ZNF330: variants seen among roughly 807,000 people sequenced by gnomAD.
ZNF330 encodes the protein nucleolar atypical zinc finger, also known as zinc finger protein 330.
In ZNF330, 31 loss-of-function variants were observed where a neutral mutation model predicts 45.5. The ratio of observed to expected loss-of-function variants is 0.68; its 90% CI spans 0.51 to 0.92. ZNF330 has a LOEUF of 0.92. Ranked by LOEUF, ZNF330 falls within the 40% of genes least tolerant of loss-of-function variation. ZNF330 has a pLI of 0.00. For missense variants in ZNF330, 356 were observed against 387.4 expected (o/e 0.92, Z 0.68); for synonymous variants, 138 against 123.2 (o/e 1.12, Z -0.79).
At position 141,231,478 on chromosome 4, in the gene ZNF330, G is replaced by T; in HGVS notation, c.563G>T (p.Arg188Leu). The stretch of plus-strand genomic sequence containing the variant: ...CGGCTTGGTCAGCACTCATGTCTCC[G>T]TTGTAAGGTATACCAATGCGTTTTT... ...CNRLGQHSCLRCKACFCDDHT... is the reference protein window; with the variant it reads ...CNRLGQHSCLLCKACFCDDHT... The change falls in exon 8 of 10, where the codon CGT becomes CTT. Residue 188 changes from arginine to leucine, a missense_variant. Physicochemically the swap from Arg to Leu is moderately radical, Grantham distance 102. Coordinates refer to ENST00000262990, the MANE Select transcript of ZNF330 (RefSeq NM_014487.6). The T allele has an allele frequency of 6.2e-7, 1 of 1,600,518 alleles. No individual in the cohort carries two copies. The highest frequency in any genetic ancestry group is 8.5e-7 in the Non-Finnish European group (1 of 1,174,172).
At chr4:141,232,665 G>A (rs1185595269) in intron 9 of ZNF330, 23 bp downstream of exon 9, 1 of 1,346,198 alleles carries the variant, frequency 7.4e-7, no homozygotes. Context: ...AGATACTAAG[G>A]AAGTGATTTT....
At chr4:141,226,906 G>T in intron 5 of ZNF330, 60 bp downstream of exon 5, 1 of 1,339,278 alleles carries the variant, frequency 7.5e-7, no homozygotes, top group Non-Finnish European at 1.0e-6. Flanking sequence ...ATGTCATTCT[G>T]ATCAGTGGTT....
chr4:141,230,061 G>A, intron 6 of ZNF330, 105 bp from the exon 7 acceptor site: 8 of 806,774 alleles, frequency 9.9e-6, no homozygotes, highest in East Asian at 2.6e-5. Context: ...CAATTTTGGT[G>A]TATCTCCAAA....
chr4:141,232,511 CT>C lies in ZNF330; in HGVS notation c.571-12del. 7.1e-7 allele frequency: 1 copy of C among 1,416,108 alleles called. No individual in the cohort carries two copies. Among genetic ancestry groups the C allele is most frequent in the Non-Finnish European group, 9.5e-7 (1 of 1,054,346 alleles). The allele number at this position is 1,416,108 out of a possible 1,614,324, so 87.7% of individuals were successfully genotyped here. ...ATTTTTATTTATTTACTTTATTTTGCTTCTCCTATACAGGCTTGTTTCTGTG... is the reference window on the plus strand; with the variant it reads ...ATTTTTATTTATTTACTTTATTTTGCTCTCCTATACAGGCTTGTTTCTGTG... On this transcript the variant is annotated splice_polypyrimidine_tract_variant and intron_variant, in intron 8 of 9. Transcript: ENST00000262990.
chr4:141,232,557 A>G lies in ZNF330; in HGVS notation c.603A>G (p.Lys201=). 1 of 1,597,296 alleles carries G rather than the reference A, an allele frequency of 6.3e-7. No individual in the cohort carries two copies. Among genetic ancestry groups the G allele is most frequent in the Admixed American group, 1.7e-5 (1 of 57,892 alleles). ...TCTGTGATGATCATACAAGGAGCAAAGTGTTTAAGCAAGAAAAAGGAAAAC... is the reference window on the plus strand; with the variant it reads ...TCTGTGATGATCATACAAGGAGCAAGGTGTTTAAGCAAGAAAAAGGAAAAC... ...ACFCDDHTRS[K]VFKQEKGKQP... The change falls in exon 9 of 10, where the codon AAA becomes AAG. Residue 201 remains lysine, a synonymous_variant. Coordinates refer to ENST00000262990, the MANE Select transcript of ZNF330 (RefSeq NM_014487.6).
rs1192129803 is a variant in ZNF330, at chr4:141,233,913, C to T, written c.887C>T (p.Ser296Leu). 6.2e-7 allele frequency: 1 copy of T among 1,613,698 alleles called. No individual in the cohort carries two copies. The highest frequency in any genetic ancestry group is 1.1e-5 in the South Asian group (1 of 91,064). ...AGAAAGGATTCAGATACTGAGTCAT[C>T]AGATTTGTTTACTAATTTGAATTTA... ...EGRKDSDTES[S>L]DLFTNLNLGR... The change falls in exon 10 of 10, where the codon TCA becomes TTA. Residue 296 changes from serine to leucine, a missense_variant. By Grantham distance (145) the Ser-to-Leu change is moderately radical. Transcript: ENST00000262990.
intron 2 of ZNF330, chr4:141,224,143 C>T (rs942756282): frequency 6.0e-6 from 2 of 334,852 alleles, no homozygotes; most frequent in South Asian, 3.9e-5. Context: ...ATGTGCTTAA[C>T]GTTTCATAAG....
At chr4:141,231,658 T>C (rs1271859051) in intron 8 of ZNF330, among the ~76,000 whole-genome samples, 173 bp downstream of exon 8, 1 of 152,120 alleles carries the variant, frequency 6.6e-6, no homozygotes, top group African/African-American at 2.4e-5. Flanking sequence ...TTACATGACT[T>C]TCCAATGGTC....
At chr4:141,231,867 G>A (rs575352822) in intron 8 of ZNF330, among the ~76,000 whole-genome samples, 3 of 152,032 alleles carry the variant, frequency 2.0e-5, no homozygotes, top group Non-Finnish European at 2.9e-5. Context: ...GCATTCGTTC[G>A]TCAAAGATTA....
In ZNF330 at chr4:141,233,706, C is replaced by T. The variant is rs1344295632; in HGVS notation, c.689-9C>T. On this transcript the variant is annotated splice_polypyrimidine_tract_variant and intron_variant, in intron 9 of 9. Coordinates refer to ENST00000262990, the MANE Select transcript of ZNF330 (RefSeq NM_014487.6). ...AACAAAATGCCTTGTACTTGTCTGT[C>T]TTCTATAGCACGCTCCCTGAAATTT... The T allele has an allele frequency of 6.2e-7, 1 of 1,610,696 alleles. No homozygotes were observed. The highest frequency in any genetic ancestry group is 8.5e-7 in the Non-Finnish European group (1 of 1,178,028).
At chr4:141,226,180 C>T (rs1309932384) in intron 4 of ZNF330, among the ~76,000 whole-genome samples, 1 of 151,918 alleles carries the variant, frequency 6.6e-6, no homozygotes, top group Non-Finnish European at 1.5e-5. Flanking sequence ...GCTGTATCAC[C>T]GTATTGTTTA....
rs754956921 is a variant in ZNF330 at position 141,226,768 on chromosome 4, G to C, written c.213G>C (p.Gly71=). 6.2e-7 allele frequency: 1 copy of C among 1,612,418 alleles called. No individual in the cohort carries two copies. Among genetic ancestry groups the C allele is most frequent in the South Asian group, 1.1e-5 (1 of 90,968 alleles). The change falls in exon 5 of 10, where the codon GGG becomes GGC. Residue 71 remains glycine (G), a splice_region_variant and synonymous_variant. Coordinates refer to ENST00000262990, the MANE Select transcript of ZNF330 (RefSeq NM_014487.6). The part of the protein sequence containing the change: ...VQKLPICAQC[G]KTKCMMKSSD... ...AGTGCAAATGTTTTTCTTCATTAGG[G>C]AAAACAAAGTGCATGATGAAGTCTT...
At position 141,226,863 on chromosome 4, in the gene ZNF330, C is replaced by A. The variant is rs372536779; in HGVS notation, c.291+17C>A. 335 of 1,584,138 alleles carry A rather than the reference C, an allele frequency of 2.1e-4. 1 individual carries two copies. In the African/African-American group the frequency reaches 3.9e-3, roughly 19 times the overall value. On this transcript the variant is annotated intron_variant, in intron 5 of 9. Coordinates refer to ENST00000262990, the MANE Select transcript of ZNF330 (RefSeq NM_014487.6). ...GCAATGGTGGTAAGCTTCTTATTAT[C>A]TCTTAGACTAGTACGTTTTCAAGGA...
At chr4:141,224,357 G>GCCA (rs1728750964) in intron 2 of ZNF330, 130 bp from the exon 3 acceptor site, 1 of 771,530 alleles carries the variant, frequency 1.3e-6, no homozygotes, top group African/African-American at 1.7e-5. Context: ...TGTATACATG[G>GCCA]GTGGAGTTGG....
chr4:141,225,973 T>A (rs1728794099), intron 4 of ZNF330, among the ~76,000 whole-genome samples: 1 of 152,116 alleles, frequency 6.6e-6, no homozygotes, highest in African/African-American at 2.4e-5. Flanking sequence ...CATTTCCTAC[T>A]AACTTTGTTC....
At chr4:141,232,072 T>G (rs1728974245) in intron 8 of ZNF330, among the ~76,000 whole-genome samples, 1 of 152,112 alleles carries the variant, frequency 6.6e-6, no homozygotes, top group African/African-American at 2.4e-5. Context: ...TTCATATGGC[T>G]ATTAAGACTT....
intron 1 of ZNF330, among the ~76,000 whole-genome samples, chr4:141,222,044 A>T (rs1262208284): frequency 6.6e-6 from 1 of 152,074 alleles, no homozygotes; most frequent in African/African-American, 2.4e-5. Flanking sequence ...CATTTGTTTT[A>T]ATGAGGTGCA....
chr4:141,221,966 A>G (rs1728690293), intron 1 of ZNF330, among the ~76,000 whole-genome samples: 1 of 152,222 alleles, frequency 6.6e-6, no homozygotes, highest in Non-Finnish European at 1.5e-5. Context: ...AGCTCAAAAA[A>G]GTGATATAAA....
intron 5 of ZNF330, among the ~76,000 whole-genome samples, chr4:141,227,255 A>G (rs1728829973): frequency 6.6e-6 from 1 of 151,750 alleles, no homozygotes; most frequent in Non-Finnish European, 1.5e-5. Flanking sequence ...AGCATTAGGT[A>G]TATCTCCTAA....
Sources: allele counts gnomAD v4.1 joint callset (sites outside exome capture counted in the v4.1 genomes callset), GRCh38; gene constraint gnomAD v4.1.1; transcripts MANE v1.5; gene names NCBI Gene and HGNC (gene_info 2026-07-23, HGNC 2026-07-21).